PSEN1: variants seen among roughly 807,000 people sequenced by gnomAD.
PSEN1 encodes the protein presenilin-1.
In PSEN1, 15 loss-of-function variants were observed where a neutral mutation model predicts 53.5. The observed-to-expected ratio is 0.28, with a 90% CI of 0.19 to 0.43. PSEN1 has a LOEUF of 0.43. Ranked by LOEUF, PSEN1 falls within the 20% of genes least tolerant of loss-of-function variation. The pLI is 1.00. For missense variants in PSEN1, 387 were observed against 571.2 expected (o/e 0.68, Z 3.29); for synonymous variants, 208 against 209.8 (o/e 0.99, Z 0.08).
At chr14:73,143,764 G>T (rs944995036) in intron 1 of PSEN1, among the ~76,000 whole-genome samples, 8 of 151,960 alleles carry the variant, frequency 5.3e-5, no homozygotes, top group Non-Finnish European at 1.2e-4. Context: ...TGTAATCCTG[G>T]CTAGTTGGGA....
chr14:73,185,488 G>T (rs959485250), intron 5 of PSEN1, among the ~76,000 whole-genome samples: 2 of 152,170 alleles, frequency 1.3e-5, no homozygotes, highest in African/African-American at 4.8e-5. Flanking sequence ...GCAGGCACTC[G>T]GCAGGCTGAG....
chr14:73,184,656 A>C (rs1421351200), intron 5 of PSEN1, among the ~76,000 whole-genome samples: 7 of 116,568 alleles, frequency 6.0e-5, no homozygotes, highest in Admixed American at 9.5e-5. Flanking sequence ...TGACCCCCCC[A>C]CCTCCCTCCC....
At chr14:73,174,485 T>C (rs1897988052) in intron 5 of PSEN1, among the ~76,000 whole-genome samples, 1 of 152,066 alleles carries the variant, frequency 6.6e-6, no homozygotes, top group Non-Finnish European at 1.5e-5. Flanking sequence ...CTGCCCACCT[T>C]GGTCTCCCAA....
chr14:73,191,422 C>G (rs1231936143), intron 6 of PSEN1, among the ~76,000 whole-genome samples: 4 of 151,902 alleles, frequency 2.6e-5, no homozygotes, highest in Admixed American at 1.3e-4. Context: ...TATGATGATT[C>G]TTCTCCCGCT....
At chr14:73,156,803 C>T (rs567218734) in intron 3 of PSEN1, among the ~76,000 whole-genome samples, 10 of 152,052 alleles carry the variant, frequency 6.6e-5, no homozygotes, top group Admixed American at 1.3e-4. Context: ...GCTGCGACTA[C>T]AGGCGTCCGC....
chr14:73,213,411 TA>T (rs902040473), intron 10 of PSEN1, among the ~76,000 whole-genome samples: 151 of 145,864 alleles, frequency 1.0e-3, no homozygotes, highest in Non-Finnish European at 1.2e-3. Context: ...CTCCAACTTT[TA>T]AAAAAAAAAA....
At chr14:73,139,343 G>C (rs1218428679) in intron 1 of PSEN1, 1 of 152,060 alleles carries the variant, frequency 6.6e-6, no homozygotes, top group East Asian at 1.9e-4. Context: ...ACTTTGGGAG[G>C]CCGAGGCAGG....
rs1330040435 is a variant in PSEN1 at position 73,148,484 on chromosome 14, AT to A, written c.87+380del. Among the ~76,000 whole-genome samples the A allele has an allele frequency of 2.6e-5, 4 of 152,330 alleles. No individual in the cohort carries two copies. In the East Asian group the frequency reaches 7.7e-4, roughly 29 times the overall value. Reference sequence around the variant, plus strand: ...TAGTGCTCAGTAAATATTCATTATGATTGTACAATGCAAGGATAAGTGTAGA... The same window carrying A: ...TAGTGCTCAGTAAATATTCATTATGATGTACAATGCAAGGATAAGTGTAGA... On this transcript the variant is annotated intron_variant, in intron 3 of 11. Transcript: ENST00000324501.
At chr14:73,163,930 T>TAA (rs774839177) in intron 3 of PSEN1, among the ~76,000 whole-genome samples, 4 of 147,354 alleles carry the variant, frequency 2.7e-5, no homozygotes, top group African/African-American at 7.4e-5. Context: ...TCATTTTGTT[T>TAA]AAAAAAAAAA....
chr14:73,193,322 G>T (rs1898800779), intron 7 of PSEN1, among the ~76,000 whole-genome samples: 1 of 151,530 alleles, frequency 6.6e-6, no homozygotes, highest in Admixed American at 6.6e-5. Flanking sequence ...AAAAAATTTG[G>T]TTTTTCAAGC....
At chr14:73,204,679 A>G (rs1226025626) in intron 8 of PSEN1, among the ~76,000 whole-genome samples, 1 of 152,174 alleles carries the variant, frequency 6.6e-6, no homozygotes, top group Non-Finnish European at 1.5e-5. Context: ...ATATTTTTTC[A>G]TACTTGCATA....
intron 3 of PSEN1, among the ~76,000 whole-genome samples, chr14:73,163,415 A>C (rs1034569794): frequency 1.3e-5 from 2 of 152,244 alleles, no homozygotes; most frequent in African/African-American, 2.4e-5. Flanking sequence ...TTGTCTCTAC[A>C]AAAAATTAGC....
chr14:73,152,088 T>C (rs558115765), intron 3 of PSEN1, among the ~76,000 whole-genome samples: 1 of 150,330 alleles, frequency 6.7e-6, no homozygotes, highest in African/African-American at 2.4e-5. Context: ...ATTTTTTGTA[T>C]TTTTCATAGA....
intron 3 of PSEN1, among the ~76,000 whole-genome samples, chr14:73,148,538 AG>A (rs1897133287): frequency 6.6e-6 from 1 of 152,222 alleles, no homozygotes; most frequent in Non-Finnish European, 1.5e-5. Flanking sequence ...GGAGGGATTC[AG>A]GAAAAGAACG....
At position 73,211,903 on chromosome 14, in the gene PSEN1, C is replaced by G; in HGVS notation, c.1090C>G (p.Leu364Val). The G allele has an allele frequency of 6.2e-7, 1 of 1,613,922 alleles. No homozygotes were observed. Among genetic ancestry groups the G allele is most frequent in the Non-Finnish European group, 8.5e-7 (1 of 1,179,964 alleles). Residue 364 changes from leucine (L) to valine (V), a missense_variant, in exon 10 of 12, where the codon CTT (leucine) becomes GTT (valine). Leu to Val is a conservative substitution (Grantham distance 32). Around this residue, in one of 4 missense-constraint regions of PSEN1, gnomAD observed 75 missense variants for 63.7 expected, o/e 1.18. Transcript: ENST00000324501. Reference protein sequence around the residue: ...TPESRAAVQELSSSILAGEDP... With the variant: ...TPESRAAVQEVSSSILAGEDP... Reference sequence around the variant, plus strand: ...TGAGTCACGAGCTGCTGTCCAGGAACTTTCCAGCAGTATCCTCGCTGGTGA... The same window carrying G: ...TGAGTCACGAGCTGCTGTCCAGGAAGTTTCCAGCAGTATCCTCGCTGGTGA...
chr14:73,221,007 T>C lies in PSEN1; in HGVS notation c.*1718T>C, dbSNP rs1900108727. 6.6e-6 allele frequency: 1 copy of C among 152,268 alleles called. No individual in the cohort carries two copies. Among genetic ancestry groups the C allele is most frequent in the African/African-American group, 2.4e-5 (1 of 41,458 alleles). The allele number at this position is 152,268 out of a possible 1,614,324, so 9.4% of individuals were successfully genotyped here. A position where few individuals can be genotyped will look rare whatever the true frequency, so the allele number is the denominator to read the frequency against. On this transcript the variant is annotated 3_prime_UTR_variant, in exon 12 of 12. Transcript: ENST00000324501. ...GCCTGCTGTTTTCTCTCCCAATCTA[T>C]GATATGATATGACCTGGTTTGGGGC...
chr14:73,143,446 G>A (rs1334790114), intron 1 of PSEN1, among the ~76,000 whole-genome samples: 1 of 152,188 alleles, frequency 6.6e-6, no homozygotes, highest in East Asian at 1.9e-4. Context: ...ACTCTGTGCA[G>A]GCAAAATCTT....
intron 3 of PSEN1, among the ~76,000 whole-genome samples, chr14:73,164,493 C>T (rs1051915690): frequency 2.0e-5 from 3 of 152,110 alleles, no homozygotes; most frequent in South Asian, 2.1e-4. Context: ...TGCCAGACAC[C>T]GTGAGATACG....
chr14:73,189,817 G>A, intron 6 of PSEN1: 1 of 254,730 alleles, frequency 3.9e-6, no homozygotes, highest in East Asian at 1.4e-4. Context: ...GCTGAGCAGT[G>A]TGGAGAACAT....
Sources: gnomAD v4.1 joint callset for allele counts (sites outside exome capture counted in the v4.1 genomes callset) on GRCh38, gnomAD v4.1.1 for gene constraint, gnomAD v4.1.1 regional missense constraint, MANE v1.5 for transcripts, NCBI Gene and HGNC (gene_info 2026-07-23, HGNC 2026-07-21) for gene names.